POLA1: variants seen among roughly 807,000 people sequenced by gnomAD.
POLA1 encodes the protein DNA polymerase alpha catalytic subunit.
A neutral mutation model predicts 124.0 loss-of-function variants in POLA1; 15 were observed. The ratio of observed to expected loss-of-function variants is 0.12; its 90% CI spans 0.08 to 0.19. POLA1 has a LOEUF of 0.19. POLA1 is among the 10% of genes least tolerant of loss of function. The probability of loss-of-function intolerance (pLI) is 1.00; values close to 1 mark genes in which losing one functional copy is unlikely to be tolerated. For synonymous variants in POLA1, 408 were observed against 389.4 expected (o/e 1.05, Z -0.56); for missense variants, 886 against 1,103.4 (o/e 0.80, Z 2.79).
intron 26 of POLA1, among the ~76,000 whole-genome samples, chrX:24,756,294 G>T (rs943009267): frequency 3.6e-5 from 4 of 111,388 alleles, no homozygotes; most frequent in African/African-American, 1.3e-4. Flanking sequence ...GGGCGCGGTG[G>T]CTCACACCTG....
At chrX:24,755,470 CT>C (rs1404239191) in intron 26 of POLA1, among the ~76,000 whole-genome samples, 1 of 111,404 alleles carries the variant, frequency 9.0e-6, no homozygotes, top group African/African-American at 3.3e-5. Context: ...AGTTGGGCAT[CT>C]TTTCATGTGT....
intron 34 of POLA1, among the ~76,000 whole-genome samples, chrX:24,866,023 A>G (rs769671696): frequency 8.9e-6 from 1 of 111,751 alleles, no homozygotes; most frequent in South Asian, 3.7e-4. Flanking sequence ...ACTTCCACGC[A>G]TATTGATAAG....
chrX:24,926,380 C>T (rs886336469), intron 35 of POLA1, among the ~76,000 whole-genome samples: 1 of 111,326 alleles, frequency 9.0e-6, no homozygotes, highest in Non-Finnish European at 1.9e-5. Context: ...TCTTGCTCTG[C>T]GTACTGATCA....
intron 35 of POLA1, among the ~76,000 whole-genome samples, chrX:24,890,617 A>C (rs770732605): frequency 5.3e-5 from 6 of 112,589 alleles, no homozygotes; most frequent in Non-Finnish European, 1.1e-4. Context: ...GGCTTTCCCA[A>C]CTTATACTGT....
chrX:24,932,327 C>T (rs1030559913), intron 36 of POLA1, among the ~76,000 whole-genome samples: 2 of 112,277 alleles, frequency 1.8e-5, no homozygotes, highest in African/African-American at 6.5e-5. Context: ...CTTTTATGAT[C>T]AGCAGTTTTC....
Position 24,762,128 on chromosome X carries a change from C to T in POLA1, c.2964+13136C>T, listed in dbSNP as rs765977010. Among the ~76,000 whole-genome samples, 76 of 111,691 alleles carry T rather than the reference C, an allele frequency of 6.8e-4. 1 individual carries two copies. The highest frequency in any genetic ancestry group is 2.4e-3 in the African/African-American group (74 of 30,692). On this transcript the variant is annotated intron_variant, in intron 26 of 36. Transcript: ENST00000379068. Reference sequence around the variant, plus strand: ...GTGCTAGATGATGATAATTACTGCTCAGTGGGCTTCAGTTACAAAGCACCT... The same window carrying T: ...GTGCTAGATGATGATAATTACTGCTTAGTGGGCTTCAGTTACAAAGCACCT...
intron 26 of POLA1, among the ~76,000 whole-genome samples, chrX:24,775,519 G>A (rs759335305): frequency 2.7e-5 from 3 of 111,996 alleles, no homozygotes; most frequent in Admixed American, 9.5e-5. Context: ...GTGTACACAC[G>A]AGCACTGTGG....
intron 4 of POLA1, among the ~76,000 whole-genome samples, chrX:24,705,513 T>C (rs1928740370): frequency 9.0e-6 from 1 of 111,560 alleles, no homozygotes; most frequent in Non-Finnish European, 1.9e-5. Flanking sequence ...AGTGACCTCC[T>C]AAGAATAAGG....
chrX:24,958,431 A>G (rs1377517061), intron 36 of POLA1, among the ~76,000 whole-genome samples: 2 of 111,336 alleles, frequency 1.8e-5, no homozygotes, highest in African/African-American at 6.5e-5. Context: ...TGACCTCTCC[A>G]CCCCATTTGT....
chrX:24,798,166 ACTTTT>A (rs1296132738), intron 26 of POLA1, among the ~76,000 whole-genome samples: 1 of 112,061 alleles, frequency 8.9e-6, no homozygotes, highest in Non-Finnish European at 1.9e-5. Context: ...ATCCTAAATT[ACTTTT>A]CTCAACTTGA....
At chrX:24,995,079 A>C (rs1369560094) in intron 36 of POLA1, among the ~76,000 whole-genome samples, 2 of 110,940 alleles carry the variant, frequency 1.8e-5, no homozygotes, top group Non-Finnish European at 3.8e-5. Flanking sequence ...AGAAAGAAAA[A>C]AAACAACATG....
chrX:24,791,351 T>C (rs888490382), intron 26 of POLA1, among the ~76,000 whole-genome samples: 10 of 112,227 alleles, frequency 8.9e-5, no homozygotes, highest in East Asian at 2.8e-4. Flanking sequence ...TTTTGTTCTG[T>C]GAGTACGCTA....
At chrX:24,825,341 C>G (rs902798005) in intron 31 of POLA1, among the ~76,000 whole-genome samples, 2 of 111,959 alleles carry the variant, frequency 1.8e-5, no homozygotes, top group South Asian at 7.5e-4. Context: ...AGGAGCCTAG[C>G]CAGAAAAAGA....
At chrX:24,806,811 G>T (rs2045809725) in intron 26 of POLA1, among the ~76,000 whole-genome samples, 1 of 112,044 alleles carries the variant, frequency 8.9e-6, no homozygotes, top group African/African-American at 3.2e-5. Context: ...TAACAGTAAA[G>T]AGTAGAAACA....
chrX:24,745,127 A>G (rs1159318518), intron 23 of POLA1, among the ~76,000 whole-genome samples: 1 of 107,734 alleles, frequency 9.3e-6, no homozygotes, highest in Non-Finnish European at 1.9e-5. Context: ...GTATTTGCTC[A>G]TAATAATGGT....
At chrX:24,817,635 A>G (rs2046013705) in intron 30 of POLA1, among the ~76,000 whole-genome samples, 1 of 109,685 alleles carries the variant, frequency 9.1e-6, no homozygotes, top group Non-Finnish European at 1.9e-5. Context: ...AAGAAAAGAA[A>G]AATGTATTTA....
chrX:24,843,440 A>G (rs1569335426), intron 33 of POLA1, 106 bp from the exon 34 acceptor site: 2 of 513,438 alleles, frequency 3.9e-6, no homozygotes, highest in Admixed American at 4.1e-5. Context: ...CACCAATAAA[A>G]CGAATTAAGA....
At chrX:24,696,395 C>CT (rs1216450501) in intron 1 of POLA1, among the ~76,000 whole-genome samples, 1 of 112,370 alleles carries the variant, frequency 8.9e-6, no homozygotes, top group Non-Finnish European at 1.9e-5. Context: ...GTACTTGATG[C>CT]TATAGCTCAT....
chrX:24,766,846 G>A (rs1299620539), intron 26 of POLA1, among the ~76,000 whole-genome samples: 1 of 111,824 alleles, frequency 8.9e-6, no homozygotes, highest in Non-Finnish European at 1.9e-5. Context: ...GATATGGATC[G>A]TAGATTAAAA....
Sources: gnomAD v4.1 joint callset for allele counts (sites outside exome capture counted in the v4.1 genomes callset) on GRCh38, gnomAD v4.1.1 for gene constraint, MANE v1.5 for transcripts, NCBI Gene and HGNC (gene_info 2026-07-23, HGNC 2026-07-21) for gene names.